Variants in TRIQK observed in about 807,000 individuals in gnomAD.
The protein encoded by TRIQK is triple QxxK/R motif containing.
A neutral mutation model predicts 10.8 loss-of-function variants in TRIQK; 10 were observed. That is an observed-to-expected ratio of 0.92 (90% CI 0.57 to 1.57). The LOEUF is 1.57. Among genes scored for constraint, TRIQK ranks in the 40% most tolerant of loss-of-function variants. TRIQK has a pLI of 0.00. For synonymous variants in TRIQK, 33 were observed against 33.7 expected, an observed-to-expected ratio of 0.98 and a Z score of 0.07; for missense variants, 107 against 97.7, an observed-to-expected ratio of 1.09 and a Z score of -0.40.
At chr8:92,907,608 TG>T (rs1230859561) in intron 3 of TRIQK, among the ~76,000 whole-genome samples, 89 of 152,314 alleles carry the variant, frequency 5.8e-4, no homozygotes, top group African/African-American at 2.1e-3. Flanking sequence ...ATAGCAAAGA[TG>T]GTAGCACACA....
At chr8:92,933,743 T>C (rs151166349) in intron 2 of TRIQK, among the ~76,000 whole-genome samples, 175 of 152,254 alleles carry the variant, frequency 1.1e-3, no homozygotes, top group African/African-American at 3.9e-3. Context: ...CTATATCAGA[T>C]TGCTAACATT....
chr8:92,909,134 T>TC (rs1395256141), intron 3 of TRIQK, among the ~76,000 whole-genome samples: 2 of 151,972 alleles, frequency 1.3e-5, no homozygotes, highest in Non-Finnish European at 2.9e-5. Flanking sequence ...TCGTATGGAA[T>TC]CTTGTTAAAA....
At chr8:92,932,037 G>A (rs563296182) in intron 2 of TRIQK, among the ~76,000 whole-genome samples, 2 of 152,194 alleles carry the variant, frequency 1.3e-5, no homozygotes, top group East Asian at 3.9e-4. Flanking sequence ...CTGGCACATG[G>A]CACTACTGAA....
chr8:92,902,166 T>C (rs1808974047), intron 3 of TRIQK, among the ~76,000 whole-genome samples: 1 of 152,164 alleles, frequency 6.6e-6, no homozygotes, highest in Non-Finnish European at 1.5e-5. Flanking sequence ...GGAATTGCAG[T>C]CCTTGTGGCC....
At chr8:93,005,351 C>G (rs941521805) in intron 1 of TRIQK, among the ~76,000 whole-genome samples, 1 of 152,172 alleles carries the variant, frequency 6.6e-6, no homozygotes, top group Non-Finnish European at 1.5e-5. Flanking sequence ...CACTCACTAT[C>G]ATGAGAACAG....
intron 1 of TRIQK, among the ~76,000 whole-genome samples, chr8:92,997,264 A>T (rs1041289505): frequency 3.9e-5 from 6 of 152,084 alleles, no homozygotes; most frequent in Admixed American, 2.6e-4. Flanking sequence ...CAGACTGTGC[A>T]TAGGAACAAG....
chr8:92,894,293 G>T (rs1337958572), intron 3 of TRIQK, among the ~76,000 whole-genome samples: 2 of 152,030 alleles, frequency 1.3e-5, no homozygotes, highest in Non-Finnish European at 2.9e-5. Flanking sequence ...GGAGTGTCTG[G>T]TAGGTTCTTT....
At chr8:92,988,368 C>G (rs999272739) in intron 1 of TRIQK, among the ~76,000 whole-genome samples, 1 of 151,728 alleles carries the variant, frequency 6.6e-6, no homozygotes, top group Non-Finnish European at 1.5e-5. Flanking sequence ...TATTTATTGT[C>G]GAAAAAGGAT....
intron 1 of TRIQK, among the ~76,000 whole-genome samples, chr8:93,017,269 C>A (rs1441360991): frequency 1.3e-5 from 2 of 152,092 alleles, no homozygotes; most frequent in Non-Finnish European, 2.9e-5. Context: ...ACAAATGACG[C>A]TCTCGTTCAG....
intron 2 of TRIQK, among the ~76,000 whole-genome samples, chr8:92,918,911 TAGAG>T (rs1191932373): frequency 2.0e-5 from 3 of 151,848 alleles, no homozygotes; most frequent in African/African-American, 7.2e-5. Context: ...TGATGAAAGA[TAGAG>T]AATCTACTTT....
At chr8:92,968,708 G>T (rs1011437627), upstream of TRIQK, among the ~76,000 whole-genome samples, 2 of 151,998 alleles carry the variant, frequency 1.3e-5, no homozygotes, top group Non-Finnish European at 2.9e-5. Context: ...TTAGCCCTTT[G>T]TCAGATGGAT....
chr8:92,976,094 A>G (rs185358618), intron 1 of TRIQK, among the ~76,000 whole-genome samples: 2 of 151,950 alleles, frequency 1.3e-5, no homozygotes, highest in Admixed American at 1.3e-4. Context: ...TTCTTGGTAA[A>G]TATCCCATGT....
intron 2 of TRIQK, among the ~76,000 whole-genome samples, chr8:92,927,736 G>C (rs1810513909): frequency 6.6e-6 from 1 of 152,118 alleles, no homozygotes; most frequent in South Asian, 2.1e-4. Context: ...GACTCAGTTA[G>C]AAAGACTGAG....
intron 1 of TRIQK, among the ~76,000 whole-genome samples, chr8:92,985,410 C>G (rs745626422): frequency 3.3e-5 from 5 of 152,182 alleles, no homozygotes; most frequent in Non-Finnish European, 5.9e-5. Flanking sequence ...GTTTCTTCTT[C>G]TACTTTTTGA....
intron 3 of TRIQK, among the ~76,000 whole-genome samples, chr8:92,893,796 T>C (rs1189932935): frequency 6.8e-6 from 1 of 147,900 alleles, no homozygotes; most frequent in Non-Finnish European, 1.5e-5. Flanking sequence ...TATCACAAAG[T>C]AACTTCTTGT....
At chr8:92,981,384 TTG>T (rs1812985147) in intron 1 of TRIQK, among the ~76,000 whole-genome samples, 1 of 151,960 alleles carries the variant, frequency 6.6e-6, no homozygotes, top group South Asian at 2.1e-4. Context: ...ATCAAGCTCG[TTG>T]TGTTACACAA....
intron 1 of TRIQK, among the ~76,000 whole-genome samples, chr8:92,983,863 T>G (rs1170195598): frequency 6.6e-6 from 1 of 152,054 alleles, no homozygotes; most frequent in East Asian, 1.9e-4. Flanking sequence ...AAACATACAA[T>G]TATTGCTTAA....
At chr8:92,974,739 C>G (rs1178594078) in intron 1 of TRIQK, 2 of 152,224 alleles carry the variant, frequency 1.3e-5, no homozygotes, top group South Asian at 2.1e-4. Context: ...ACTCATTCAC[C>G]CACTTGACCC....
chr8:92,954,788 G>C (rs1236259041), intron 1 of TRIQK, among the ~76,000 whole-genome samples: 2 of 151,788 alleles, frequency 1.3e-5, no homozygotes, highest in Non-Finnish European at 1.5e-5. Flanking sequence ...TATTATGAAG[G>C]CTCTGAGAAG....
Sources: allele counts gnomAD v4.1 joint callset (sites outside exome capture counted in the v4.1 genomes callset), GRCh38; gene constraint gnomAD v4.1.1; transcripts MANE v1.5; gene names NCBI Gene and HGNC (gene_info 2026-07-23, HGNC 2026-07-21).